NRAP: variants seen among roughly 807,000 people sequenced by gnomAD.
NRAP encodes the protein nebulin related anchoring protein, also known as nebulin-related-anchoring protein.
In NRAP, 189 loss-of-function variants were observed where a neutral mutation model predicts 225.9. That is an observed-to-expected ratio of 0.84 (90% confidence interval 0.74 to 0.94). The LOEUF (loss-of-function observed/expected upper bound fraction) is 0.94, where lower values mean the gene tolerates loss of function less well. Ranked by LOEUF, NRAP falls within the 40% of genes least tolerant of loss-of-function variation. NRAP has a pLI of 0.00. For synonymous variants in NRAP, 769 were observed against 790.7 expected (o/e 0.97, Z 0.46); for missense variants, 2,176 against 2,168.7 (o/e 1.00, Z -0.07).
intron 39 of NRAP, among the ~76,000 whole-genome samples, chr10:113,591,774 C>A (rs1220045892): frequency 6.6e-6 from 1 of 152,168 alleles, no homozygotes; most frequent in Non-Finnish European, 1.5e-5. Flanking sequence ...GCAACTTGCC[C>A]AAGACAAACA....
In NRAP at chr10:113,590,852, A is replaced by G; in HGVS notation, c.4682T>C (p.Leu1561Pro). The G allele has an allele frequency of 6.2e-7, 1 of 1,614,198 alleles. No individual in the cohort carries two copies. Among genetic ancestry groups the G allele is most frequent in the Non-Finnish European group, 8.5e-7 (1 of 1,180,010 alleles). The change falls in exon 40 of 42, where the codon CTG becomes CCG. Residue 1561 changes from leucine to proline, a missense_variant. By Grantham distance (98) the Leu-to-Pro change is moderately conservative. Coordinates refer to ENST00000359988, the MANE Select transcript of NRAP (RefSeq NM_198060.4). ...GTCGACACTGCGGTACCCGATCTGCAGGCCTCGGTCCCGCAGGAAAGCCTC... is the reference window on the plus strand; with the variant it reads ...GTCGACACTGCGGTACCCGATCTGCGGGCCTCGGTCCCGCAGGAAAGCCTC... ...YKEAFLRDRGLQIGYRSVDDD... is the reference protein window; with the variant it reads ...YKEAFLRDRGPQIGYRSVDDD...
chr10:113,647,625 C>G (rs1162676903), intron 9 of NRAP, among the ~76,000 whole-genome samples: 1 of 145,712 alleles, frequency 6.9e-6, no homozygotes, highest in Non-Finnish European at 1.5e-5. Context: ...GTGGTACTTC[C>G]TCCCCTAGTG....
At position 113,640,293 on chromosome 10, in the gene NRAP, G is replaced by A. The variant is rs1290732653; in HGVS notation, c.1362C>T (p.Asp454=). The A allele has an allele frequency of 3.1e-6, 5 of 1,602,400 alleles. No individual in the cohort carries two copies. In the Admixed American group the frequency reaches 8.6e-5, roughly 28 times the overall value. ...YKADYKHDIV[D]YNYPATLTPS... is the part of the protein sequence containing the mutation. ...GCGTGAGAGTGGCTGGGTAGTTGTA[G>A]TCGACAATATCATGTTTATAATCAG... Residue 454 remains aspartate (D), a synonymous_variant, in exon 14 of 42, where the codon GAC becomes GAT. Transcript: ENST00000359988.
chr10:113,601,508 A>T (rs1368219350), intron 35 of NRAP, among the ~76,000 whole-genome samples: 1 of 152,262 alleles, frequency 6.6e-6, no homozygotes. Context: ...ACCAATTTGC[A>T]GCTTAAAAGG....
chr10:113,663,332 T>G lies in NRAP; in HGVS notation c.167+20A>C. ...ACAAATAAAACTCAAGAGGTAGTGG[T>G]GGGGGCATCAAACACTTACGCGTGA... On this transcript the variant is annotated intron_variant, in intron 2 of 41. Coordinates refer to ENST00000359988, the MANE Select transcript of NRAP (RefSeq NM_198060.4). The G allele has an allele frequency of 7.1e-7, 1 of 1,403,192 alleles. No homozygotes were observed. Among genetic ancestry groups the G allele is most frequent in the Non-Finnish European group, 1.0e-6 (1 of 987,886 alleles). 86.9% of individuals were successfully genotyped at this position (1,403,192 alleles called of 1,614,324 possible).
chr10:113,631,332 A>T (rs911597911), intron 18 of NRAP, among the ~76,000 whole-genome samples, 177 bp downstream of exon 18: 2 of 152,184 alleles, frequency 1.3e-5, no homozygotes, highest in African/African-American at 4.8e-5. Flanking sequence ...TTAAAAAAAA[A>T]TAGTATGCTT....
In NRAP at chr10:113,612,235, T is replaced by G. The variant is rs376401431; in HGVS notation, c.3497A>C (p.Glu1166Ala). 3.0e-5 allele frequency: 48 copies of G among 1,613,772 alleles called. No homozygotes were observed. Among genetic ancestry groups the G allele is most frequent in the Non-Finnish European group, 3.9e-5 (46 of 1,179,864 alleles). The change falls in exon 30 of 42, where the codon GAG (glutamate) becomes GCG (alanine). Residue 1166 changes from glutamate to alanine, a missense_variant and splice_region_variant. Physicochemically the swap from Glu to Ala is moderately radical, Grantham distance 107. Coordinates refer to ENST00000359988, the MANE Select transcript of NRAP (RefSeq NM_198060.4). ...CAKKAHKLQSENLYRSDLNFM... is the reference protein window; with the variant it reads ...CAKKAHKLQSANLYRSDLNFM... ...GAGAAAGAGGCCAGGTCTCCTTACC[T>G]CACTCTGCAATTTGTGAGCTTTCTT... is the stretch of plus-strand genomic sequence containing the variant.
chr10:113,610,520 C>T lies in NRAP; in HGVS notation c.3542G>A (p.Cys1181Tyr), dbSNP rs779360414. ...AATCTCTAACGTGCCTGGAATGACA[C>T]ATGCAACACCTCGCATAAAGTTCAG... ...SDLNFMRGVA[C>Y]VIPGTLEIEG... Residue 1181 changes from cysteine to tyrosine, a missense_variant, in exon 31 of 42, where the codon TGT (cysteine) becomes TAT (tyrosine). This residue lies in a region of NRAP where 1,708 missense variants were observed against 1,695.5 expected (regional missense o/e 1.01). Coordinates refer to ENST00000359988, the MANE Select transcript of NRAP (RefSeq NM_198060.4). The T allele has an allele frequency of 2.5e-6, 4 of 1,604,058 alleles. No homozygotes were observed. The highest frequency in any genetic ancestry group is 2.7e-5 in the African/African-American group (2 of 74,750).
chr10:113,601,022 C>A (rs1237168306), intron 35 of NRAP, among the ~76,000 whole-genome samples: 2 of 152,182 alleles, frequency 1.3e-5, no homozygotes, highest in Non-Finnish European at 2.9e-5. Flanking sequence ...CCTGCATGTG[C>A]CTTTCCGGAC....
At chr10:113,620,770 G>A in intron 24 of NRAP, 62 bp from the exon 25 acceptor site, 4 of 1,114,688 alleles carry the variant, frequency 3.6e-6, no homozygotes, top group Non-Finnish European at 5.4e-6. Flanking sequence ...ACATTTAAAG[G>A]GCTATTAGCG....
intron 29 of NRAP, among the ~76,000 whole-genome samples, chr10:113,613,914 C>G (rs1280925512): frequency 6.6e-6 from 1 of 152,150 alleles, no homozygotes; most frequent in East Asian, 1.9e-4. Context: ...AGCCCAGGGT[C>G]AAATCCAGAC....
chr10:113,624,197 C>T (rs528620761), intron 22 of NRAP, among the ~76,000 whole-genome samples: 16 of 152,280 alleles, frequency 1.1e-4, no homozygotes, highest in African/African-American at 3.9e-4. Context: ...TTCTCCTCCC[C>T]ATCTATTTCT....
At chr10:113,641,144 G>C (rs1326483583) in intron 13 of NRAP, among the ~76,000 whole-genome samples, 1 of 152,194 alleles carries the variant, frequency 6.6e-6, no homozygotes, top group Non-Finnish European at 1.5e-5. Context: ...TCAAATTAGA[G>C]AAAGCTAATA....
rs1172243180 is a variant in NRAP, at chr10:113,593,635, G to A, written c.4537-1334C>T. Among the ~76,000 whole-genome samples the A allele has an allele frequency of 2.4e-4, 37 of 152,230 alleles. 1 individual carries two copies. Among genetic ancestry groups the A allele is most frequent in the Admixed American group, 2.4e-3 (36 of 15,284 alleles). On this transcript the variant is annotated intron_variant, in intron 38 of 41. Transcript: ENST00000359988. The stretch of plus-strand genomic sequence containing the variant: ...TACTGGGTCATCATTGAGTTTAGCA[G>A]TTAGGACTGAAAGACATGTAGGAAT...
At chr10:113,594,257 G>C (rs538178154) in intron 38 of NRAP, among the ~76,000 whole-genome samples, 1 of 152,288 alleles carries the variant, frequency 6.6e-6, no homozygotes, top group African/African-American at 2.4e-5. Flanking sequence ...TCCTCACAGA[G>C]CACTTGATCC....
At chr10:113,597,312 C>T in intron 36 of NRAP, 128 bp from the exon 37 acceptor site, 1 of 666,384 alleles carries the variant, frequency 1.5e-6, no homozygotes, top group Non-Finnish European at 2.7e-6. Context: ...AGCCTTTCTT[C>T]TTGGTAGGTA....
rs1849846240 is a variant in NRAP, at chr10:113,650,071, A to T, written c.854T>A (p.Ile285Asn). Reference protein sequence around the residue: ...MAGPAIGAEGILTRECADQYG... With the variant: ...MAGPAIGAEGNLTRECADQYG... ...TTGGTCTGCACATTCCCTTGTCAAG[A>T]TGCCCTCAGCTCCAATGGCTGGACC... is the stretch of plus-strand genomic sequence containing the variant. Residue 285 changes from isoleucine (I) to asparagine (N), a missense_variant, in exon 9 of 42, where the codon ATC becomes AAC. Ile to Asn is a moderately radical substitution (Grantham distance 149). Transcript: ENST00000359988. 1 of 1,610,462 alleles carries T rather than the reference A, an allele frequency of 6.2e-7. No homozygotes were observed. Among genetic ancestry groups the T allele is most frequent in the Non-Finnish European group, 8.5e-7 (1 of 1,176,826 alleles).
chr10:113,660,410 G>A (rs1179205596), intron 3 of NRAP, among the ~76,000 whole-genome samples: 1 of 152,062 alleles, frequency 6.6e-6, no homozygotes, highest in African/African-American at 2.4e-5. Context: ...CATATACGCT[G>A]TCACATAGAC....
intron 4 of NRAP, among the ~76,000 whole-genome samples, chr10:113,655,987 G>T (rs189883101): frequency 6.6e-6 from 1 of 152,076 alleles, no homozygotes; most frequent in South Asian, 2.1e-4. Flanking sequence ...AAGGACATTC[G>T]AAAGTTAACC....
Sources: gnomAD v4.1 joint callset for allele counts (sites outside exome capture counted in the v4.1 genomes callset) on GRCh38, gnomAD v4.1.1 for gene constraint, gnomAD v4.1.1 regional missense constraint, MANE v1.5 for transcripts, NCBI Gene and HGNC (gene_info 2026-07-23, HGNC 2026-07-21) for gene names.